The following C1orf21 variants were observed in gnomAD, a reference collection of about 807,000 sequenced individuals.
C1orf21 encodes the protein chromosome 1 open reading frame 21, also known as uncharacterized protein C1orf21.
In C1orf21, 3 loss-of-function variants were observed where a neutral mutation model predicts 18.7. That is an observed-to-expected ratio of 0.16 (90% CI 0.07 to 0.42). C1orf21 has a LOEUF of 0.42. Among genes scored for constraint, C1orf21 ranks in the 10% least tolerant of loss-of-function variants. C1orf21 has a pLI of 0.99. For missense variants in C1orf21, 104 were observed against 143.6 expected (o/e 0.72, Z 1.41); for synonymous variants, 41 against 46.4 (o/e 0.88, Z 0.47).
intron 3 of C1orf21, among the ~76,000 whole-genome samples, chr1:184,513,863 C>T (rs564455660): frequency 6.6e-6 from 1 of 152,336 alleles, no homozygotes; most frequent in South Asian, 2.1e-4. Flanking sequence ...GATTATTTCA[C>T]AAGGTCTTTA....
At chr1:184,407,772 G>C (rs933724010) in intron 1 of C1orf21, among the ~76,000 whole-genome samples, 1 of 152,178 alleles carries the variant, frequency 6.6e-6, no homozygotes, top group Non-Finnish European at 1.5e-5. Context: ...ATTCATGGCT[G>C]TTTGGATGCC....
Position 184,503,040 on chromosome 1 carries a change from T to G in C1orf21, c.95-4548T>G, listed in dbSNP as rs955896633. 5.9e-5 allele frequency among the ~76,000 whole-genome samples: 8 copies of G among 136,022 alleles called. No individual in the cohort carries two copies. The East Asian group carries it at 1.7e-3, about 29-fold the overall frequency. The allele number at this position is 136,022 out of a possible 152,430, so 89.2% of individuals were successfully genotyped here. On this transcript the variant is annotated intron_variant, in intron 2 of 5. Coordinates refer to ENST00000235307, the MANE Select transcript of C1orf21 (RefSeq NM_030806.4). ...TTGCAGTGAGCCGTGATCATGCCATTGCACTCCAGCCTGGGTGACAGGGTA... is the reference window on the plus strand; with the variant it reads ...TTGCAGTGAGCCGTGATCATGCCATGGCACTCCAGCCTGGGTGACAGGGTA...
intron 1 of C1orf21, among the ~76,000 whole-genome samples, chr1:184,400,646 T>G (rs1178528660): frequency 1.3e-5 from 2 of 152,180 alleles, no homozygotes; most frequent in Non-Finnish European, 2.9e-5. Context: ...TGGTTGTTTC[T>G]AATCTTTTGC....
intron 2 of C1orf21, among the ~76,000 whole-genome samples, chr1:184,485,678 C>T (rs565958755): frequency 5.7e-4 from 87 of 152,088 alleles, no homozygotes; most frequent in African/African-American, 1.9e-3. Context: ...ACATGGGGGA[C>T]CACCAGAGAG....
At chr1:184,556,806 A>T (rs561680614) in intron 3 of C1orf21, among the ~76,000 whole-genome samples, 1 of 152,128 alleles carries the variant, frequency 6.6e-6, no homozygotes, top group Admixed American at 6.6e-5. Flanking sequence ...AAGGAGGGTG[A>T]CTATAATTTT....
chr1:184,499,927 G>C (rs772137165), intron 2 of C1orf21, among the ~76,000 whole-genome samples: 3 of 152,212 alleles, frequency 2.0e-5, no homozygotes, highest in Non-Finnish European at 4.4e-5. Flanking sequence ...GAGTAATTGA[G>C]AGGATTTAGC....
intron 1 of C1orf21, among the ~76,000 whole-genome samples, chr1:184,465,177 A>T (rs1657371705): frequency 6.6e-6 from 1 of 152,174 alleles, no homozygotes; most frequent in African/African-American, 2.4e-5. Context: ...ATCATGGAGG[A>T]TTTGGGACCA....
chr1:184,457,666 A>G (rs998386378), intron 1 of C1orf21, among the ~76,000 whole-genome samples: 1 of 151,996 alleles, frequency 6.6e-6, no homozygotes, highest in African/African-American at 2.4e-5. Context: ...TGCCTCTCCG[A>G]TGGGTATCTT....
rs1021059921 is a variant in C1orf21 at position 184,419,565 on chromosome 1, G to A, written c.-125+32197G>A. Among the ~76,000 whole-genome samples the A allele has an allele frequency of 1.1e-4, 17 of 152,146 alleles. No homozygotes were observed. The East Asian group carries it at 3.3e-3, about 29-fold the overall frequency. ...TCGAGGAGCATATACTTTAGAACTG[G>A]AGGAAACAGACAATAAACAATACAC... On this transcript the variant is annotated intron_variant, in intron 1 of 5. Transcript: ENST00000235307.
intron 3 of C1orf21, among the ~76,000 whole-genome samples, chr1:184,508,036 AATGGTTGT>A (rs1198788329): frequency 1.3e-5 from 2 of 152,136 alleles, no homozygotes; most frequent in Non-Finnish European, 2.9e-5. Flanking sequence ...AATCAGGATG[AATGGTTGT>A]TTCATTATTC....
chr1:184,523,786 G>A (rs1658339817), intron 3 of C1orf21, among the ~76,000 whole-genome samples: 1 of 152,154 alleles, frequency 6.6e-6, no homozygotes, highest in South Asian at 2.1e-4. Flanking sequence ...CATACACACT[G>A]TGAAATGCCA....
intron 2 of C1orf21, among the ~76,000 whole-genome samples, chr1:184,494,320 G>A (rs1657858933): frequency 1.3e-5 from 2 of 152,182 alleles, no homozygotes; most frequent in Admixed American, 1.3e-4. Context: ...CACAGAGGCA[G>A]TCCAGGGCCG....
At chr1:184,507,301 G>C (rs1387412064) in intron 2 of C1orf21, among the ~76,000 whole-genome samples, 1 of 152,142 alleles carries the variant, frequency 6.6e-6, no homozygotes, top group Non-Finnish European at 1.5e-5. Flanking sequence ...TAGAGATGGA[G>C]TATCCTGTTT....
At chr1:184,397,595 A>T (rs1283423712) in intron 1 of C1orf21, among the ~76,000 whole-genome samples, 3 of 151,798 alleles carry the variant, frequency 2.0e-5, no homozygotes, top group African/African-American at 7.3e-5. Flanking sequence ...GAAAAAGAAA[A>T]AAAAACAACT....
intron 3 of C1orf21, among the ~76,000 whole-genome samples, chr1:184,529,151 A>G (rs1658421224): frequency 6.6e-6 from 1 of 152,104 alleles, no homozygotes; most frequent in Non-Finnish European, 1.5e-5. Context: ...TTTTTTGCAT[A>G]TTTTGATTAT....
At chr1:184,555,562 C>G (rs573117032) in intron 3 of C1orf21, among the ~76,000 whole-genome samples, 5 of 152,154 alleles carry the variant, frequency 3.3e-5, no homozygotes, top group Admixed American at 2.0e-4. Context: ...CACACACACA[C>G]TGTCACACAC....
chr1:184,613,445 T>TAC, intron 5 of C1orf21, among the ~76,000 whole-genome samples: 1 of 152,330 alleles, frequency 6.6e-6, no homozygotes, highest in South Asian at 2.1e-4. Flanking sequence ...GCAGTCCTGT[T>TAC]GCCCCTCTCC....
intron 1 of C1orf21, among the ~76,000 whole-genome samples, chr1:184,389,496 A>G (rs1655937364): frequency 6.6e-6 from 1 of 152,168 alleles, no homozygotes; most frequent in Non-Finnish European, 1.5e-5. Context: ...ATCATTCAAC[A>G]TGGGTTTCTG....
intron 1 of C1orf21, among the ~76,000 whole-genome samples, chr1:184,459,704 G>T (rs554619366): frequency 2.0e-4 from 31 of 152,246 alleles, no homozygotes; most frequent in African/African-American, 7.5e-4. Flanking sequence ...GTCACTCATG[G>T]TCTAGTTGGA....
Sources: allele counts gnomAD v4.1 joint callset (sites outside exome capture counted in the v4.1 genomes callset), GRCh38; gene constraint gnomAD v4.1.1; transcripts MANE v1.5; gene names NCBI Gene and HGNC (gene_info 2026-07-23, HGNC 2026-07-21).